The following CEP152 variants were observed in gnomAD, a reference collection of about 807,000 sequenced individuals.
CEP152 encodes centrosomal protein of 152 kDa.
CEP152 carries 132 observed loss-of-function variants against 188.9 expected under a neutral mutation model. That is an observed-to-expected ratio of 0.70 (90% confidence interval 0.61 to 0.81). CEP152 has a LOEUF of 0.81. Among genes scored for constraint, CEP152 ranks in the 30% least tolerant of loss-of-function variants. CEP152 has a pLI of 0.00. For missense variants in CEP152, 1,914 were observed against 1,969.8 expected (o/e 0.97, Z 0.54); for synonymous variants, 649 against 666.6 (o/e 0.97, Z 0.41).
At chr15:48,751,173 T>C (rs1893849144) in intron 21 of CEP152, among the ~76,000 whole-genome samples, 1 of 152,232 alleles carries the variant, frequency 6.6e-6, no homozygotes, top group African/African-American at 2.4e-5. Context: ...AATTTATTAA[T>C]GTGTTTGTTT....
At position 48,796,105 on chromosome 15, in the gene CEP152, T is replaced by G. The variant is rs746003218; in HGVS notation, c.596A>C (p.Gln199Pro). The G allele has an allele frequency of 5.0e-6, 8 of 1,613,924 alleles. No homozygotes were observed. In the South Asian group the frequency reaches 6.6e-5, roughly 13 times the overall value. ...TGAGCCATTATTCTGGGCAGAAGAC[T>G]GATAAGGTTTATATGTCACTTTATT... Reference protein sequence around the residue: ...PYNKVTYKPYQSSAQNNGSPA... With the variant: ...PYNKVTYKPYPSSAQNNGSPA... Residue 199 changes from glutamine (Q) to proline (P), a missense_variant, in exon 6 of 27, where the codon CAG becomes CCG. Transcript: ENST00000380950.
At chr15:48,751,766 T>A (rs186375113) in intron 21 of CEP152, among the ~76,000 whole-genome samples, 8 of 152,242 alleles carry the variant, frequency 5.3e-5, no homozygotes, top group Non-Finnish European at 8.8e-5. Context: ...ATAGGCAATA[T>A]AAGTCCTATA....
chr15:48,771,066 T>G (rs1441222129), intron 13 of CEP152, among the ~76,000 whole-genome samples: 1 of 152,150 alleles, frequency 6.6e-6, no homozygotes, highest in African/African-American at 2.4e-5. Flanking sequence ...TTGCTTTTCT[T>G]AGTTATTAGG....
chr15:48,770,904 C>A (rs1895480448), intron 13 of CEP152, among the ~76,000 whole-genome samples: 1 of 152,044 alleles, frequency 6.6e-6, no homozygotes, highest in African/African-American at 2.4e-5. Flanking sequence ...ATAATTAGCA[C>A]AGAATATTAT....
At chr15:48,747,085 G>A (rs1893496230) in intron 22 of CEP152, among the ~76,000 whole-genome samples, 1 of 152,132 alleles carries the variant, frequency 6.6e-6, no homozygotes, top group African/African-American at 2.4e-5. Context: ...TATACTGAAG[G>A]CCATGGCAAG....
chr15:48,802,151 A>G (rs1897704129), intron 2 of CEP152, among the ~76,000 whole-genome samples: 1 of 152,122 alleles, frequency 6.6e-6, no homozygotes, highest in African/African-American at 2.4e-5. Context: ...AAGTATAGAG[A>G]CTTAGGTGAA....
chr15:48,793,568 T>G (rs149745113), intron 6 of CEP152, 107 bp from the exon 7 acceptor site: 2 of 937,852 alleles, frequency 2.1e-6, no homozygotes, highest in Admixed American at 2.2e-5. Flanking sequence ...TAGAGCATCA[T>G]GAAATCAATT....
At chr15:48,734,838 G>A (rs1320272692), downstream of CEP152, among the ~76,000 whole-genome samples, 1 of 151,970 alleles carries the variant, frequency 6.6e-6, no homozygotes, top group Non-Finnish European at 1.5e-5. Flanking sequence ...CAGATATAAA[G>A]GTATATATAC....
chr15:48,768,284 G>C lies in CEP152; in HGVS notation c.1953C>G (p.Asp651Glu). 3 of 1,611,430 alleles carry C rather than the reference G, an allele frequency of 1.9e-6. No homozygotes were observed. The highest frequency in any genetic ancestry group is 2.2e-5 in the South Asian group (2 of 91,008). ...CCATTTGTCTCATTTGATTACATAAGTCTTGATTTGTATTTCTCAGTTTTC... is the reference window on the plus strand; with the variant it reads ...CCATTTGTCTCATTTGATTACATAACTCTTGATTTGTATTTCTCAGTTTTC... ...TEGKLRNTNQ[D>E]LCNQMRQMVQ... Residue 651 changes from aspartate (D) to glutamate (E), a missense_variant, in exon 15 of 27, where the codon GAC becomes GAG. Asp to Glu is a conservative substitution (Grantham distance 45). Transcript: ENST00000380950.
At chr15:48,768,465 C>A in intron 14 of CEP152, 137 bp from the exon 15 acceptor site, 1 of 609,870 alleles carries the variant, frequency 1.6e-6, no homozygotes, top group Non-Finnish European at 2.9e-6. Flanking sequence ...TTTTACAATT[C>A]TGCAAAAGAA....
At chr15:48,785,438 C>T (rs1192709660) in intron 9 of CEP152, among the ~76,000 whole-genome samples, 3 of 151,970 alleles carry the variant, frequency 2.0e-5, no homozygotes, top group African/African-American at 4.8e-5. Flanking sequence ...GGTTCTAAAG[C>T]GCCAAAGTAA....
At position 48,788,999 on chromosome 15, in the gene CEP152, C is replaced by G. The variant is rs761573655; in HGVS notation, c.975G>C (p.Met325Ile). The change falls in exon 9 of 27, where the codon ATG (methionine) becomes ATC (isoleucine). Residue 325 changes from methionine to isoleucine, a missense_variant and splice_region_variant. Transcript: ENST00000380950. ...IQALKVNEEQ[M>I]IKKSRTTEMA... Reference sequence around the variant, plus strand: ...TTTCAGTTGTTCTGGACTTCTTGATCATCTAGTAAATACACACAGGATATC... The same window carrying G: ...TTTCAGTTGTTCTGGACTTCTTGATGATCTAGTAAATACACACAGGATATC... 6.2e-7 allele frequency: 1 copy of G among 1,613,520 alleles called. No homozygotes were observed. The highest frequency in any genetic ancestry group is 1.3e-5 in the African/African-American group (1 of 74,910).
At chr15:48,753,269 G>A (rs970046674) in intron 20 of CEP152, among the ~76,000 whole-genome samples, 14 of 152,200 alleles carry the variant, frequency 9.2e-5, no homozygotes, top group South Asian at 4.1e-4. Context: ...CTCGTGATCC[G>A]CCTGCTTTGG....
At chr15:48,752,552 A>G (rs1434853239) in intron 20 of CEP152, 83 bp from the exon 21 acceptor site, 1 of 1,538,188 alleles carries the variant, frequency 6.5e-7, no homozygotes, top group Non-Finnish European at 8.7e-7. Context: ...TTAAAAATAC[A>G]AAGAGAAAAC....
At chr15:48,786,497 A>C (rs1896643363) in intron 9 of CEP152, among the ~76,000 whole-genome samples, 1 of 152,222 alleles carries the variant, frequency 6.6e-6, no homozygotes, top group African/African-American at 2.4e-5. Context: ...AATTTCTCAA[A>C]ATATACTAAT....
At chr15:48,753,220 C>T (rs1389692693) in intron 20 of CEP152, among the ~76,000 whole-genome samples, 1 of 152,194 alleles carries the variant, frequency 6.6e-6, no homozygotes, top group Admixed American at 6.5e-5. Context: ...CTCACTGCAA[C>T]CTCCACCTCC....
intron 13 of CEP152, among the ~76,000 whole-genome samples, chr15:48,770,057 C>T (rs1363796855): frequency 3.3e-5 from 5 of 152,208 alleles, no homozygotes; most frequent in Non-Finnish European, 7.4e-5. Context: ...CCAGATTTAT[C>T]TGTTCATTTA....
chr15:48,762,202 G>A (rs913430198), intron 18 of CEP152, among the ~76,000 whole-genome samples, 189 bp downstream of exon 18: 5 of 152,266 alleles, frequency 3.3e-5, no homozygotes, highest in East Asian at 3.9e-4. Flanking sequence ...CAGAAAAACC[G>A]AGGGGTGGCA....
intron 26 of CEP152, 34 bp from the exon 27 acceptor site, chr15:48,739,322 A>C: frequency 6.3e-7 from 1 of 1,576,882 alleles, no homozygotes; most frequent in Non-Finnish European, 8.6e-7. Context: ...AATTAAGAGA[A>C]AATTAATATT....
Sources: gnomAD v4.1 joint callset for allele counts (sites outside exome capture counted in the v4.1 genomes callset) on GRCh38, gnomAD v4.1.1 for gene constraint, MANE v1.5 for transcripts, NCBI Gene and HGNC (gene_info 2026-07-23, HGNC 2026-07-21) for gene names.